Variants in CACNA2D3 observed in about 807,000 individuals in gnomAD.
The protein encoded by CACNA2D3 is calcium voltage-gated channel auxiliary subunit alpha2delta 3.
Under a neutral mutation model 160.6 loss-of-function variants are expected in CACNA2D3, and 60 were observed. That is an observed-to-expected ratio of 0.37 (90% confidence interval 0.30 to 0.46). CACNA2D3 has a LOEUF of 0.46. CACNA2D3 is among the 20% of genes least tolerant of loss of function. CACNA2D3 has a pLI of 1.00. For missense variants in CACNA2D3, 1,205 were observed against 1,365.0 expected, an observed-to-expected ratio of 0.88 and a Z score of 1.85; for synonymous variants, 558 against 492.9, an observed-to-expected ratio of 1.13 and a Z score of -1.75.
chr3:54,549,609 CT>C (rs1181037291), intron 5 of CACNA2D3, among the ~76,000 whole-genome samples: 1 of 152,204 alleles, frequency 6.6e-6, no homozygotes, highest in Non-Finnish European at 1.5e-5. Context: ...CTCCCCATTC[CT>C]TTCCCACAGC....
intron 27 of CACNA2D3, among the ~76,000 whole-genome samples, chr3:54,962,095 A>T (rs1439668439): frequency 1.3e-5 from 2 of 152,152 alleles, no homozygotes; most frequent in African/African-American, 4.8e-5. Context: ...AGATTAATCC[A>T]TTCATGAGGA....
intron 2 of CACNA2D3, among the ~76,000 whole-genome samples, chr3:54,260,443 C>T (rs896794910): frequency 9.2e-5 from 14 of 152,146 alleles, no homozygotes; most frequent in South Asian, 2.1e-4. Flanking sequence ...AGGCAGCATG[C>T]GGCAAGACAG....
intron 2 of CACNA2D3, among the ~76,000 whole-genome samples, chr3:54,188,260 CAAA>C (rs1559876256): frequency 3.2e-4 from 30 of 93,392 alleles, no homozygotes; most frequent in African/African-American, 1.2e-3. Flanking sequence ...AACAAACAAA[CAAA>C]CAAACAAAAA....
At chr3:54,792,910 A>T (rs1035497253) in intron 13 of CACNA2D3, among the ~76,000 whole-genome samples, 1 of 152,200 alleles carries the variant, frequency 6.6e-6, no homozygotes, top group Non-Finnish European at 1.5e-5. Flanking sequence ...AGGCAAATCA[A>T]AATGCTGTTG....
At chr3:54,512,989 C>T (rs1450419504) in intron 5 of CACNA2D3, among the ~76,000 whole-genome samples, 1 of 152,148 alleles carries the variant, frequency 6.6e-6, no homozygotes, top group African/African-American at 2.4e-5. Context: ...CCTTATAAAA[C>T]CATCAGATCT....
intron 29 of CACNA2D3, among the ~76,000 whole-genome samples, chr3:54,978,203 C>T (rs1186466407): frequency 1.3e-5 from 2 of 152,218 alleles, no homozygotes; most frequent in Non-Finnish European, 2.9e-5. Context: ...CCTTAACCGT[C>T]TGGGAATGCA....
At chr3:54,504,395 C>T (rs971141280) in intron 5 of CACNA2D3, among the ~76,000 whole-genome samples, 3 of 152,224 alleles carry the variant, frequency 2.0e-5, no homozygotes, top group South Asian at 2.1e-4. Flanking sequence ...ACCTTGGGCA[C>T]GTCACCTCAT....
chr3:54,598,546 C>G (rs1703004219), intron 9 of CACNA2D3, among the ~76,000 whole-genome samples: 1 of 152,082 alleles, frequency 6.6e-6, no homozygotes, highest in African/African-American at 2.4e-5. Context: ...TACAGAAAGA[C>G]AGAGGATATA....
intron 4 of CACNA2D3, among the ~76,000 whole-genome samples, chr3:54,456,488 T>G (rs528643699): frequency 1.2e-4 from 19 of 152,114 alleles, no homozygotes; most frequent in African/African-American, 4.1e-4. Flanking sequence ...TTTTTCTATA[T>G]ATAAGATCAT....
intron 27 of CACNA2D3, among the ~76,000 whole-genome samples, chr3:54,950,637 G>T (rs1158764945): frequency 6.6e-6 from 1 of 152,146 alleles, no homozygotes; most frequent in Admixed American, 6.5e-5. Flanking sequence ...CCAGGCTGTG[G>T]CAGGGCAGCC....
chr3:54,680,400 T>A (rs773972827), intron 11 of CACNA2D3, among the ~76,000 whole-genome samples: 8 of 152,200 alleles, frequency 5.3e-5, no homozygotes, highest in Non-Finnish European at 1.2e-4. Flanking sequence ...TGCTGATGAA[T>A]GGAGTTTTTA....
At chr3:54,726,522 C>G (rs1003792061) in intron 11 of CACNA2D3, among the ~76,000 whole-genome samples, 3 of 152,194 alleles carry the variant, frequency 2.0e-5, no homozygotes, top group African/African-American at 7.2e-5. Context: ...TACTACAAGA[C>G]TACAGTAACC....
chr3:54,717,824 G>A (rs867769618), intron 11 of CACNA2D3, among the ~76,000 whole-genome samples: 2 of 144,120 alleles, frequency 1.4e-5, no homozygotes, highest in Middle Eastern at 8.1e-3. Context: ...TTGCGTGTGT[G>A]TGGTGTGTGT....
chr3:54,380,250 G>T (rs2106642684), intron 3 of CACNA2D3, among the ~76,000 whole-genome samples: 1 of 152,290 alleles, frequency 6.6e-6, no homozygotes, highest in East Asian at 1.9e-4. Context: ...TGAGGGTAGA[G>T]ATTTTTCATT....
chr3:54,941,560 T>C (rs1701467380), intron 27 of CACNA2D3, among the ~76,000 whole-genome samples: 1 of 152,204 alleles, frequency 6.6e-6, no homozygotes, highest in Non-Finnish European at 1.5e-5. Context: ...TTAACGACAT[T>C]TGGGTTTTTC....
At chr3:54,744,757 A>G (rs1701721220) in intron 11 of CACNA2D3, among the ~76,000 whole-genome samples, 1 of 152,170 alleles carries the variant, frequency 6.6e-6, no homozygotes, top group Non-Finnish European at 1.5e-5. Flanking sequence ...TCACTGCAGC[A>G]AGTTATCTGA....
intron 11 of CACNA2D3, among the ~76,000 whole-genome samples, chr3:54,684,053 C>T (rs1700404474): frequency 6.7e-6 from 1 of 149,998 alleles, no homozygotes; most frequent in Non-Finnish European, 1.5e-5. Flanking sequence ...TCACTGCAAC[C>T]TCTCTCCCCC....
At chr3:54,146,646 C>T (rs752229037) in intron 2 of CACNA2D3, among the ~76,000 whole-genome samples, 1 of 152,066 alleles carries the variant, frequency 6.6e-6, no homozygotes, top group Non-Finnish European at 1.5e-5. Context: ...ACAGAGTTCT[C>T]CACACATCCA....
intron 10 of CACNA2D3, among the ~76,000 whole-genome samples, chr3:54,637,370 G>A (rs541487687): frequency 6.6e-6 from 1 of 151,908 alleles, no homozygotes; most frequent in East Asian, 1.9e-4. Context: ...ACGCAAAGGA[G>A]GCTTTTGATT....
Sources: gnomAD v4.1 joint callset for allele counts (sites outside exome capture counted in the v4.1 genomes callset) on GRCh38, gnomAD v4.1.1 for gene constraint, MANE v1.5 for transcripts, NCBI Gene and HGNC (gene_info 2026-07-23, HGNC 2026-07-21) for gene names.